IPMK: variants seen among roughly 807,000 people sequenced by gnomAD.
The protein encoded by IPMK is inositol polyphosphate multikinase, also known as inositol 1,3,4,6-tetrakisphosphate 5-kinase.
A neutral mutation model predicts 45.8 loss-of-function variants in IPMK; 17 were observed. That is an observed-to-expected ratio of 0.37 (90% CI 0.25 to 0.56). The LOEUF is 0.56. Among genes scored for constraint, IPMK ranks in the 20% least tolerant of loss-of-function variants. The pLI, the probability that IPMK is intolerant of heterozygous loss-of-function variation, is 0.79. For synonymous variants in IPMK, 180 were observed against 184.3 expected (o/e 0.98, Z 0.19); for missense variants, 399 against 498.0 (o/e 0.80, Z 1.89).
rs757985729 is a variant in IPMK at position 58,226,845 on chromosome 10, T to C, written c.373+198A>G. ...CTATAAGAGATTGGCCATTTACTTGTATATGCCATTTTAGAAATGGTTATG... is the reference window on the plus strand; with the variant it reads ...CTATAAGAGATTGGCCATTTACTTGCATATGCCATTTTAGAAATGGTTATG... On this transcript the variant is annotated intron_variant, in intron 3 of 5. Transcript: ENST00000373935. 9.1e-4 allele frequency among the ~76,000 whole-genome samples: 139 copies of C among 152,340 alleles called. 1 individual carries two copies. The highest frequency in any genetic ancestry group is 3.4e-3 in the Middle Eastern group (1 of 294).
chr10:58,196,614 T>A lies in IPMK; in HGVS notation c.713A>T (p.Gln238Leu). The stretch of plus-strand genomic sequence containing the variant: ...AAGCTGCTTCTGGTTTTCAAACCAC[T>A]GCAGAATTTTCTCAATCTTCTGAAT... ...ASIQKIEKIL[Q>L]WFENQKQLNF... The change falls in exon 6 of 6, where the codon CAG (glutamine) becomes CTG (leucine). Residue 238 changes from glutamine (Q) to leucine (L), a missense_variant. Coordinates refer to ENST00000373935, the MANE Select transcript of IPMK (RefSeq NM_152230.5). The A allele has an allele frequency of 6.2e-7, 1 of 1,613,976 alleles. No homozygotes were observed. Among genetic ancestry groups the A allele is most frequent in the Non-Finnish European group, 8.5e-7 (1 of 1,179,870 alleles).
At chr10:58,259,220 A>C (rs745932133) in intron 1 of IPMK, among the ~76,000 whole-genome samples, 1 of 152,130 alleles carries the variant, frequency 6.6e-6, no homozygotes, top group Non-Finnish European at 1.5e-5. Flanking sequence ...TAAAGGAACA[A>C]GGGTTTCTTG....
Position 58,196,092 on chromosome 10 carries a change from C to T in IPMK, c.1235G>A (p.Ser412Asn), listed in dbSNP as rs2132139926. The T allele has an allele frequency of 6.2e-7, 1 of 1,612,576 alleles. No individual in the cohort carries two copies. Among genetic ancestry groups the T allele is most frequent in the East Asian group, 2.2e-5 (1 of 44,850 alleles). The part of the protein sequence containing the change: ...GLKHLISVLR[S>N]ILDN ...ACAGAGGATTCAATTGTCTAAAATA[C>T]TTCGAAGTACAGAAATTAAATGCTT... is the stretch of plus-strand genomic sequence containing the variant. Residue 412 changes from serine (S) to asparagine (N), a missense_variant, in exon 6 of 6, where the codon AGT (serine) becomes AAT (asparagine). Around this residue, in one of 2 missense-constraint regions of IPMK, gnomAD observed 288 missense variants for 398.0 expected, o/e 0.72. Coordinates refer to ENST00000373935, the MANE Select transcript of IPMK (RefSeq NM_152230.5).
At chr10:58,247,795 T>TA (rs1226011005) in intron 1 of IPMK, among the ~76,000 whole-genome samples, 1 of 152,108 alleles carries the variant, frequency 6.6e-6, no homozygotes, top group Admixed American at 6.6e-5. Context: ...CCCTAAAACT[T>TA]AAAGTATAAC....
intron 1 of IPMK, among the ~76,000 whole-genome samples, chr10:58,257,319 A>AC (rs1838984979): frequency 6.6e-6 from 1 of 151,914 alleles, no homozygotes; most frequent in Non-Finnish European, 1.5e-5. Context: ...ACATGGTGAA[A>AC]CCCTGTCTCT....
In IPMK at chr10:58,191,804, C is replaced by A. The variant is rs535362418; in HGVS notation, c.*4272G>T. 11 of 152,204 alleles carry A rather than the reference C, an allele frequency of 7.2e-5. No homozygotes were observed. The highest frequency in any genetic ancestry group is 1.3e-4 in the Admixed American group (2 of 15,290). The allele number at this position is 152,204 out of a possible 1,614,324, so 9.4% of individuals were successfully genotyped here. ...AATTTAGCATTGCTGCTTATAGTCACTAATAACACAATTTTAGGTGCAATT... is the reference window on the plus strand; with the variant it reads ...AATTTAGCATTGCTGCTTATAGTCAATAATAACACAATTTTAGGTGCAATT... On this transcript the variant is annotated 3_prime_UTR_variant, in exon 6 of 6. Coordinates refer to ENST00000373935, the MANE Select transcript of IPMK (RefSeq NM_152230.5).
chr10:58,205,892 T>C (rs955585359), intron 4 of IPMK, among the ~76,000 whole-genome samples: 2 of 151,936 alleles, frequency 1.3e-5, no homozygotes, highest in Non-Finnish European at 2.9e-5. Context: ...AAAAACACTT[T>C]GGCAGTTTCT....
chr10:58,194,956 T>G lies in IPMK; in HGVS notation c.*1120A>C, dbSNP rs915010363. On this transcript the variant is annotated 3_prime_UTR_variant, in exon 6 of 6. Coordinates refer to ENST00000373935, the MANE Select transcript of IPMK (RefSeq NM_152230.5). ...CCATGAAATTAAGTTACAATTTCAC[T>G]GGTCAACATAATATAAAACTGTTTT... 3.3e-5 allele frequency: 5 copies of G among 152,006 alleles called. No individual in the cohort carries two copies. Among genetic ancestry groups the G allele is most frequent in the African/African-American group, 1.2e-4 (5 of 41,434 alleles). 9.4% of individuals were successfully genotyped at this position (152,006 alleles called of 1,614,324 possible).
intron 4 of IPMK, among the ~76,000 whole-genome samples, chr10:58,208,863 T>A (rs956618506): frequency 1.2e-4 from 19 of 152,208 alleles, no homozygotes; most frequent in African/African-American, 4.3e-4. Flanking sequence ...GTAGATGTAA[T>A]ACCCAATGGT....
intron 2 of IPMK, among the ~76,000 whole-genome samples, chr10:58,233,524 A>C (rs1393426502): frequency 6.6e-6 from 1 of 152,228 alleles, no homozygotes; most frequent in African/African-American, 2.4e-5. Flanking sequence ...TAACATACGC[A>C]AATCAATAAA....
chr10:58,198,640 C>G (rs1260397182), intron 5 of IPMK, among the ~76,000 whole-genome samples: 1 of 152,102 alleles, frequency 6.6e-6, no homozygotes, highest in Non-Finnish European at 1.5e-5. Context: ...CTTAGTAGAG[C>G]TAAGAATAAA....
intron 1 of IPMK, among the ~76,000 whole-genome samples, chr10:58,259,678 A>AAAAAAAAAAAAAAAAAAAC (rs984861270): frequency 2.8e-5 from 4 of 144,582 alleles, no homozygotes; most frequent in East Asian, 4.6e-4. Context: ...ACATAAAAAA[A>AAAAAAAAAAAAAAAAAAAC]AAAAAAAAAC....
chr10:58,209,293 A>T (rs1369473314), intron 4 of IPMK, among the ~76,000 whole-genome samples: 2 of 152,154 alleles, frequency 1.3e-5, no homozygotes, highest in Admixed American at 1.3e-4. Context: ...TCATGATCAC[A>T]GTGGCTGCCC....
intron 2 of IPMK, 100 bp from the exon 3 acceptor site, chr10:58,227,239 G>T (rs969406056): frequency 2.3e-6 from 2 of 863,196 alleles, no homozygotes; most frequent in Non-Finnish European, 1.8e-6. Flanking sequence ...AATTCATCTG[G>T]TATGGCTTCA....
At chr10:58,243,827 C>T (rs1019959378) in intron 1 of IPMK, among the ~76,000 whole-genome samples, 1 of 152,172 alleles carries the variant, frequency 6.6e-6, no homozygotes, top group Non-Finnish European at 1.5e-5. Context: ...GCCTGGCCGC[C>T]CATCGTCTGG....
chr10:58,204,866 CAACATTAATCAA>C (rs1838049372), intron 4 of IPMK, among the ~76,000 whole-genome samples: 1 of 152,000 alleles, frequency 6.6e-6, no homozygotes, highest in African/African-American at 2.4e-5. Flanking sequence ...TACTCCAAAG[CAACATTAATCAA>C]AACAGTGTAG....
At chr10:58,214,674 T>G (rs907136974) in intron 4 of IPMK, among the ~76,000 whole-genome samples, 5 of 152,246 alleles carry the variant, frequency 3.3e-5, no homozygotes, top group Admixed American at 1.3e-4. Flanking sequence ...TTAGCTCTTC[T>G]GTTTAAAACT....
chr10:58,256,491 G>T (rs1686205648), intron 1 of IPMK, among the ~76,000 whole-genome samples: 1 of 152,120 alleles, frequency 6.6e-6, no homozygotes, highest in African/African-American at 2.4e-5. Flanking sequence ...ATGCCCAGTG[G>T]GACATGGAAC....
intron 4 of IPMK, 134 bp downstream of exon 4, chr10:58,216,011 A>G: frequency 1.6e-6 from 1 of 606,758 alleles, no homozygotes; most frequent in African/African-American, 1.9e-5. Context: ...CACTTTTCAC[A>G]TTGGGGAGTT....
Sources: allele counts gnomAD v4.1 joint callset (sites outside exome capture counted in the v4.1 genomes callset), GRCh38; gene constraint gnomAD v4.1.1; regional missense constraint gnomAD v4.1.1; transcripts MANE v1.5; gene names NCBI Gene and HGNC (gene_info 2026-07-23, HGNC 2026-07-21).